The following FKBP4 variants were observed in gnomAD, a reference collection of about 807,000 sequenced individuals.
FKBP4 encodes the protein FKBP prolyl isomerase 4.
FKBP4 carries 28 observed loss-of-function variants against 54.1 expected under a neutral mutation model. That is an observed-to-expected ratio of 0.52 (90% CI 0.38 to 0.71). The LOEUF (loss-of-function observed/expected upper bound fraction) is 0.71. FKBP4 is among the 30% of genes least tolerant of loss of function. FKBP4 has a pLI of 0.00. For missense variants in FKBP4, 493 were observed against 574.4 expected (o/e 0.86, Z 1.45); for synonymous variants, 223 against 216.1 (o/e 1.03, Z -0.28).
Position 2,795,357 on chromosome 12 carries a change from C to A in FKBP4, c.105+113C>A. 3.0e-6 allele frequency: 1 copy of A among 334,256 alleles called. No individual in the cohort carries two copies. Among genetic ancestry groups the A allele is most frequent in the Non-Finnish European group, 4.5e-6 (1 of 223,692 alleles). 20.7% of individuals were successfully genotyped at this position (334,256 alleles called of 1,614,324 possible). On this transcript the variant is annotated intron_variant, in intron 1 of 9. Coordinates refer to ENST00000001008, the MANE Select transcript of FKBP4 (RefSeq NM_002014.4). This position sits in a 1 kb window ranked among gnomAD's most constrained non-coding sequence, Gnocchi z 4.3. ...CGGGTCGAGGCGGCCGCCTTTGCAG[C>A]CTCGCGGCCGTCCCGCCGGGGGCCG... is the stretch of plus-strand genomic sequence containing the variant.
chr12:2,797,110 G>A (rs2097902276), intron 1 of FKBP4, 28 bp from the exon 2 acceptor site: 3 of 1,611,422 alleles, frequency 1.9e-6, no homozygotes, highest in Non-Finnish European at 1.7e-6. Flanking sequence ...AAACCCTGGG[G>A]TACTCACTTT....
In FKBP4 at chr12:2,800,421, G is replaced by C. The variant is rs1203167347; in HGVS notation, c.876G>C (p.Gln292His). The change falls in exon 8 of 10, where the codon CAG (glutamine) becomes CAC (histidine). Residue 292 changes from glutamine to histidine, a missense_variant. Coordinates refer to ENST00000001008, the MANE Select transcript of FKBP4 (RefSeq NM_002014.4). ...KEGKYKQALLQYKKIVSWLEY... is the reference protein window; with the variant it reads ...KEGKYKQALLHYKKIVSWLEY... Reference sequence around the variant, plus strand: ...GTAAATACAAGCAAGCTTTACTACAGTATAAGAAGATCGTGTCTTGGCTGG... The same window carrying C: ...GTAAATACAAGCAAGCTTTACTACACTATAAGAAGATCGTGTCTTGGCTGG... 1 of 1,613,600 alleles carries C rather than the reference G, an allele frequency of 6.2e-7. No individual in the cohort carries two copies. Among genetic ancestry groups the C allele is most frequent in the Non-Finnish European group, 8.5e-7 (1 of 1,179,736 alleles).
At position 2,801,215 on chromosome 12, in the gene FKBP4, G is replaced by A. The variant is rs753568828; in HGVS notation, c.1131G>A (p.Gln377=). 2 of 1,613,406 alleles carry A rather than the reference G, an allele frequency of 1.2e-6. No individual in the cohort carries two copies. The highest frequency in any genetic ancestry group is 1.7e-6 in the Non-Finnish European group (2 of 1,180,052). Residue 377 remains glutamine, a synonymous_variant, in exon 9 of 10, where the codon CAG becomes CAA. Transcript: ENST00000001008. The part of the protein sequence containing the change: ...NDFELARADF[Q]KVLQLYPNNK... ...TTGAACTGGCACGGGCTGATTTCCAGAAGGTCCTGCAGCTCTACCCCAACA... is the reference window on the plus strand; with the variant it reads ...TTGAACTGGCACGGGCTGATTTCCAAAAGGTCCTGCAGCTCTACCCCAACA...
At chr12:2,799,807 T>G in intron 5 of FKBP4, 43 bp from the exon 6 acceptor site, 1 of 1,534,332 alleles carries the variant, frequency 6.5e-7, no homozygotes, top group Non-Finnish European at 9.0e-7. Flanking sequence ...TGGAGCAGGT[T>G]AAGTGTTGCC....
chr12:2,800,655 C>G, intron 8 of FKBP4, 78 bp downstream of exon 8: 2 of 1,414,252 alleles, frequency 1.4e-6, no homozygotes, highest in Admixed American at 4.6e-5. Context: ...TGAAACTTCC[C>G]CTTGGTGACT....
chr12:2,800,670 CA>C, intron 8 of FKBP4, 93 bp downstream of exon 8: 1 of 1,239,962 alleles, frequency 8.1e-7, no homozygotes, highest in East Asian at 2.4e-5. Flanking sequence ...GTGACTAGGG[CA>C]GGGATAGCAG....
chr12:2,800,952 C>T (rs879802325), intron 8 of FKBP4, among the ~76,000 whole-genome samples, 165 bp from the exon 9 acceptor site: 2 of 152,234 alleles, frequency 1.3e-5, no homozygotes, highest in Non-Finnish European at 1.5e-5. Context: ...AATGAGGTCC[C>T]TGGATTGTTC....
Position 2,804,972 on chromosome 12 carries a change from C to A in FKBP4, c.*1714C>A. 3.4e-6 allele frequency: 1 copy of A among 297,580 alleles called. No individual in the cohort carries two copies. Among genetic ancestry groups the A allele is most frequent in the South Asian group, 2.8e-5 (1 of 35,648 alleles). The allele number at this position is 297,580 out of a possible 1,614,324, so 18.4% of individuals were successfully genotyped here. A position where few individuals can be genotyped will look rare whatever the true frequency, so the allele number is the denominator to read the frequency against. On this transcript the variant is annotated 3_prime_UTR_variant, in exon 10 of 10. Coordinates refer to ENST00000001008, the MANE Select transcript of FKBP4 (RefSeq NM_002014.4). ...ACTGGGCTTACCTCACATCACAGCC[C>A]TGTGTTTGTGGTTTGTGTCTGGGTC...
Position 2,803,395 on chromosome 12 carries a change from G to A in FKBP4, c.*137G>A. ...CTATCTGGTTGGATGGTGGCTTTAG[G>A]GGAAGGGGGAAAGGTGTAGGCTGGG... is the stretch of plus-strand genomic sequence containing the variant. On this transcript the variant is annotated 3_prime_UTR_variant, in exon 10 of 10. Coordinates refer to ENST00000001008, the MANE Select transcript of FKBP4 (RefSeq NM_002014.4). 1.5e-6 allele frequency: 1 copy of A among 652,420 alleles called. No individual in the cohort carries two copies. Among genetic ancestry groups the A allele is most frequent in the Non-Finnish European group, 2.7e-6 (1 of 372,678 alleles). The allele number at this position is 652,420 out of a possible 1,614,324, so 40.4% of individuals were successfully genotyped here.
At chr12:2,802,891 G>A (rs746823606) in intron 9 of FKBP4, among the ~76,000 whole-genome samples, 1 of 151,962 alleles carries the variant, frequency 6.6e-6, no homozygotes, top group Non-Finnish European at 1.5e-5. Flanking sequence ...CCACGCCCAG[G>A]TAATTTTTGT....
intron 3 of FKBP4, 57 bp downstream of exon 3, chr12:2,797,928 G>A (rs1373799947): frequency 1.3e-6 from 2 of 1,561,058 alleles, no homozygotes; most frequent in Non-Finnish European, 1.7e-6. Context: ...TCAGCCCAAT[G>A]CCTGGCTGCC....
chr12:2,797,692 C>T (rs2097902662), intron 2 of FKBP4, 37 bp from the exon 3 acceptor site: 1 of 1,578,064 alleles, frequency 6.3e-7, no homozygotes, highest in African/African-American at 1.3e-5. Flanking sequence ...GAATCAGAAC[C>T]CTGCTAAGGC....
chr12:2,799,928 G>T lies in FKBP4; in HGVS notation c.750G>T (p.Lys250Asn). 1 of 1,614,202 alleles carries T rather than the reference G, an allele frequency of 6.2e-7. No individual in the cohort carries two copies. The highest frequency in any genetic ancestry group is 8.5e-7 in the Non-Finnish European group (1 of 1,180,012). The stretch of plus-strand genomic sequence containing the variant: ...AGCTGAAATATGAATTACACCTCAA[G>T]AGTTTTGAAAAGGTAAGTTTGCTCA... ...NAELKYELHLKSFEKAKESWE... is the reference protein window; with the variant it reads ...NAELKYELHLNSFEKAKESWE... The change falls in exon 6 of 10, where the codon AAG becomes AAT. Residue 250 changes from lysine (K) to asparagine (N), a missense_variant. Lys to Asn is a moderately conservative substitution (Grantham distance 94). Coordinates refer to ENST00000001008, the MANE Select transcript of FKBP4 (RefSeq NM_002014.4).
At chr12:2,796,769 A>G in intron 1 of FKBP4, 1 of 1,066,802 alleles carries the variant, frequency 9.4e-7, no homozygotes, top group East Asian at 7.7e-5. Flanking sequence ...GATTATAATA[A>G]TAATCTATTA....
chr12:2,805,144 T>C lies in FKBP4; in HGVS notation c.*1886T>C, dbSNP rs1287577838. The C allele has an allele frequency of 2.2e-6, 1 of 455,962 alleles. No homozygotes were observed. The highest frequency in any genetic ancestry group is 1.5e-5 in the South Asian group (1 of 64,532). The allele number at this position is 455,962 out of a possible 1,614,324, so 28.2% of individuals were successfully genotyped here. A position where few individuals can be genotyped will look rare whatever the true frequency, so the allele number is the denominator to read the frequency against. ...TTGCAACCATCCTACAAAGAAGGTATAACTTTAATAACCCTATTTACAGAT... is the reference window on the plus strand; with the variant it reads ...TTGCAACCATCCTACAAAGAAGGTACAACTTTAATAACCCTATTTACAGAT... On this transcript the variant is annotated 3_prime_UTR_variant, in exon 10 of 10. Transcript: ENST00000001008.
At chr12:2,796,437 T>G (rs2097901918) in intron 1 of FKBP4, 2 of 1,264,830 alleles carry the variant, frequency 1.6e-6, no homozygotes, top group African/African-American at 1.5e-5. Flanking sequence ...AGCCCCTGTC[T>G]ATTCTTCGTG....
At chr12:2,797,104 C>G (rs1250350735) in intron 1 of FKBP4, 34 bp from the exon 2 acceptor site, 1 of 1,611,082 alleles carries the variant, frequency 6.2e-7, no homozygotes, top group African/African-American at 1.3e-5. Flanking sequence ...TGCCCCAAAC[C>G]CTGGGGTACT....
At chr12:2,796,663 C>G in intron 1 of FKBP4, 1 of 1,095,064 alleles carries the variant, frequency 9.1e-7, no homozygotes, top group Non-Finnish European at 1.1e-6. Flanking sequence ...ACTCATACTC[C>G]TCTCGCTCTC....
Position 2,804,815 on chromosome 12 carries a change from C to T in FKBP4, c.*1557C>T, listed in dbSNP as rs1475650412. On this transcript the variant is annotated 3_prime_UTR_variant, in exon 10 of 10. Coordinates refer to ENST00000001008, the MANE Select transcript of FKBP4 (RefSeq NM_002014.4). ...GATTAAAATTGGGGTGTACAAGTCT[C>T]CCAGTGTGAGTATCCCTTGAGCCCA... 1 of 170,460 alleles carries T rather than the reference C, an allele frequency of 5.9e-6. No homozygotes were observed. The highest frequency in any genetic ancestry group is 1.3e-5 in the Non-Finnish European group (1 of 79,914). The allele number at this position is 170,460 out of a possible 1,614,324, so 10.6% of individuals were successfully genotyped here.
Sources: gnomAD v4.1 joint callset for allele counts (sites outside exome capture counted in the v4.1 genomes callset) on GRCh38, gnomAD v4.1.1 for gene constraint, Gnocchi (gnomAD v3.1) non-coding constraint, MANE v1.5 for transcripts, NCBI Gene and HGNC (gene_info 2026-07-23, HGNC 2026-07-21) for gene names.